The following PKN2 variants were observed in gnomAD, a reference collection of about 807,000 sequenced individuals.
The protein encoded by PKN2 is serine/threonine-protein kinase N2.
A neutral mutation model predicts 119.1 loss-of-function variants in PKN2; 38 were observed. The ratio of observed to expected loss-of-function variants is 0.32; its 90% CI spans 0.25 to 0.42. The LOEUF (loss-of-function observed/expected upper bound fraction) is 0.42, where lower values mean the gene tolerates loss of function less well. Among genes scored for constraint, PKN2 ranks in the 10% least tolerant of loss-of-function variants. The probability of loss-of-function intolerance (pLI) is 1.00; values close to 1 mark genes in which losing one functional copy is unlikely to be tolerated. For missense variants in PKN2, 850 were observed against 1,165.1 expected (o/e 0.73, Z 3.94); for synonymous variants, 390 against 384.9 (o/e 1.01, Z -0.15).
At chr1:88,817,677 C>A (rs1672057566) in intron 16 of PKN2, among the ~76,000 whole-genome samples, 1 of 150,724 alleles carries the variant, frequency 6.6e-6, no homozygotes, top group Admixed American at 6.6e-5. Context: ...CCACAGCACT[C>A]CAGTCTGGGC....
intron 1 of PKN2, among the ~76,000 whole-genome samples, chr1:88,731,966 A>T (rs2100727952): frequency 6.6e-6 from 1 of 152,334 alleles, no homozygotes; most frequent in Non-Finnish European, 1.5e-5. Context: ...GAATTTCATT[A>T]TTGTACAAAG....
chr1:88,832,512 CAGAA>C (rs1268079893), intron 19 of PKN2, among the ~76,000 whole-genome samples: 1 of 151,962 alleles, frequency 6.6e-6, no homozygotes, highest in East Asian at 1.9e-4. Context: ...TTAAAGATTT[CAGAA>C]AGAGTATATG....
At chr1:88,738,245 G>T (rs899553147) in intron 1 of PKN2, among the ~76,000 whole-genome samples, 1 of 152,102 alleles carries the variant, frequency 6.6e-6, no homozygotes, top group African/African-American at 2.4e-5. Flanking sequence ...AGTCTTTGAA[G>T]AGTGGTCAGA....
chr1:88,779,048 A>G (rs1052631873), intron 6 of PKN2, among the ~76,000 whole-genome samples: 1 of 152,184 alleles, frequency 6.6e-6, no homozygotes, highest in Admixed American at 6.5e-5. Flanking sequence ...ACGTGAAATA[A>G]TGGCAAGCTG....
chr1:88,771,442 T>C lies in PKN2; in HGVS notation c.644T>C (p.Leu215Pro). 1 of 1,603,786 alleles carries C rather than the reference T, an allele frequency of 6.2e-7. No homozygotes were observed. Among genetic ancestry groups the C allele is most frequent in the Middle Eastern group, 1.9e-4 (1 of 5,326 alleles). The change falls in exon 5 of 22, where the codon CTT becomes CCT. Residue 215 changes from leucine to proline, a missense_variant. Transcript: ENST00000370521. Reference protein sequence around the residue: ...FDNAKPVISPLELRMEELRHH... With the variant: ...FDNAKPVISPPELRMEELRHH... ...CTAGCAAAACCTGTGATAAGTCCTCTTGAACTTCGGATGGAAGAATTAAGG... is the reference window on the plus strand; with the variant it reads ...CTAGCAAAACCTGTGATAAGTCCTCCTGAACTTCGGATGGAAGAATTAAGG...
intron 1 of PKN2, among the ~76,000 whole-genome samples, chr1:88,732,265 AAG>A (rs2100728458): frequency 6.6e-6 from 1 of 152,354 alleles, no homozygotes; most frequent in East Asian, 1.9e-4. Flanking sequence ...AGGTTAAAAA[AAG>A]AAGTGGAGAA....
intron 1 of PKN2, among the ~76,000 whole-genome samples, chr1:88,734,943 T>C (rs938189392): frequency 4.1e-5 from 6 of 147,536 alleles, no homozygotes; most frequent in African/African-American, 1.2e-4. Context: ...TTACATCTTA[T>C]ATTACCCATC....
intron 6 of PKN2, 67 bp downstream of exon 6, chr1:88,771,946 TGAAA>T (rs1669911586): frequency 2.9e-6 from 3 of 1,049,688 alleles, no homozygotes; most frequent in Admixed American, 4.3e-5. Flanking sequence ...ATTTAATAAT[TGAAA>T]GAAAAACCTG....
At chr1:88,827,993 G>A (rs1177087366) in intron 18 of PKN2, among the ~76,000 whole-genome samples, 3 of 151,994 alleles carry the variant, frequency 2.0e-5, no homozygotes, top group African/African-American at 7.2e-5. Flanking sequence ...CCAAAGTGCC[G>A]TGATTACAAG....
chr1:88,790,584 T>G (rs1030196509), intron 8 of PKN2, among the ~76,000 whole-genome samples: 1 of 152,240 alleles, frequency 6.6e-6, no homozygotes, highest in African/African-American at 2.4e-5. Flanking sequence ...CTGCTAGATC[T>G]CTAAAAACTT....
chr1:88,709,386 C>T (rs1272651832), intron 1 of PKN2, among the ~76,000 whole-genome samples: 1 of 152,108 alleles, frequency 6.6e-6, no homozygotes, highest in Non-Finnish European at 1.5e-5. Context: ...AATACACTTT[C>T]TTCTCTCATG....
At chr1:88,774,822 C>A (rs1477796544) in intron 6 of PKN2, among the ~76,000 whole-genome samples, 1 of 152,004 alleles carries the variant, frequency 6.6e-6, no homozygotes, top group African/African-American at 2.4e-5. Context: ...AATCCTCCTG[C>A]CTCAACCTCC....
chr1:88,761,863 T>C (rs1370260490), intron 3 of PKN2, among the ~76,000 whole-genome samples: 1 of 152,212 alleles, frequency 6.6e-6, no homozygotes, highest in Non-Finnish European at 1.5e-5. Flanking sequence ...CTGTTATTTT[T>C]AGCACTGACA....
chr1:88,725,454 A>G (rs1667858303), intron 1 of PKN2, among the ~76,000 whole-genome samples: 2 of 152,142 alleles, frequency 1.3e-5, no homozygotes, highest in Admixed American at 1.3e-4. Flanking sequence ...ATAGGTGTTT[A>G]TTAGACATCT....
At chr1:88,816,530 A>G (rs1255289928) in intron 16 of PKN2, among the ~76,000 whole-genome samples, 2 of 152,176 alleles carry the variant, frequency 1.3e-5, no homozygotes, top group Non-Finnish European at 2.9e-5. Flanking sequence ...TACAGGCATG[A>G]GCCACCACAC....
chr1:88,770,775 C>T (rs998571977), intron 4 of PKN2, among the ~76,000 whole-genome samples: 1 of 150,966 alleles, frequency 6.6e-6, no homozygotes, highest in Non-Finnish European at 1.5e-5. Context: ...TTAGTAGAGA[C>T]GGGGTTTCAC....
At chr1:88,807,801 T>G (rs759346282) in intron 15 of PKN2, 26 bp downstream of exon 15, 2 of 1,326,340 alleles carry the variant, frequency 1.5e-6, no homozygotes, top group African/African-American at 1.5e-5. Flanking sequence ...TGAAATTGTT[T>G]ATTTTTCTGA....
At chr1:88,812,464 G>T (rs1422665271) in intron 15 of PKN2, among the ~76,000 whole-genome samples, 3 of 152,160 alleles carry the variant, frequency 2.0e-5, no homozygotes, top group African/African-American at 4.8e-5. Context: ...ACAGGGGCTG[G>T]TATGGTGGTT....
At chr1:88,823,383 GATGGTATATAAGCAAACTTTAAAA>G (rs1672370863) in intron 17 of PKN2, among the ~76,000 whole-genome samples, 1 of 151,974 alleles carries the variant, frequency 6.6e-6, no homozygotes, top group African/African-American at 2.4e-5. Flanking sequence ...CTTTCTTATG[GATGGTATATAAGCAAACTTTAAAA>G]CTGGATTAAG....
Sources: allele counts gnomAD v4.1 joint callset (sites outside exome capture counted in the v4.1 genomes callset), GRCh38; gene constraint gnomAD v4.1.1; transcripts MANE v1.5; gene names NCBI Gene and HGNC (gene_info 2026-07-23, HGNC 2026-07-21).